Variants in FILIP1 observed in about 807,000 individuals in gnomAD.
FILIP1 encodes filamin A interacting protein 1.
A neutral mutation model predicts 102.1 loss-of-function variants in FILIP1; 61 were observed. The observed-to-expected ratio is 0.60, with a 90% CI of 0.49 to 0.74. The LOEUF (loss-of-function observed/expected upper bound fraction) is 0.74, where lower values mean the gene tolerates loss of function less well. Ranked by LOEUF, FILIP1 falls within the 30% of genes least tolerant of loss-of-function variation. FILIP1 has a pLI of 0.00. For synonymous variants in FILIP1, 491 were observed against 526.9 expected, an observed-to-expected ratio of 0.93 and a Z score of 0.93; for missense variants, 1,314 against 1,441.2, an observed-to-expected ratio of 0.91 and a Z score of 1.43.
At chr6:75,473,754 C>T (rs1474964034) in intron 1 of FILIP1, 1 of 152,150 alleles carries the variant, frequency 6.6e-6, no homozygotes, top group Non-Finnish European at 1.5e-5. Flanking sequence ...AAAGCACGAA[C>T]GCAGACCCCC....
In FILIP1 at chr6:75,391,558, T is replaced by C. The variant is rs116225582; in HGVS notation, c.276+23139A>G. 7.6e-3 allele frequency among the ~76,000 whole-genome samples: 1,158 copies of C among 152,266 alleles called. 9 individuals are homozygous for C. Among genetic ancestry groups the C allele is most frequent in the Middle Eastern group, 0.02 (6 of 294 alleles). On this transcript the variant is annotated intron_variant, in intron 2 of 5. Coordinates refer to ENST00000237172, the MANE Select transcript of FILIP1 (RefSeq NM_015687.5). ...CACCTACTGCATCTTTGCTGGTATA[T>C]ATGACCTTCTCCCCTATCACTAGAA...
At position 75,358,990 on chromosome 6, in the gene FILIP1, G is replaced by A. The variant is rs578044123; in HGVS notation, c.450+3754C>T. 2.0e-5 allele frequency among the ~76,000 whole-genome samples: 3 copies of A among 149,424 alleles called. No homozygotes were observed. The South Asian group carries it at 6.4e-4, about 32-fold the overall frequency. On this transcript the variant is annotated intron_variant, in intron 3 of 5. Transcript: ENST00000237172. The stretch of plus-strand genomic sequence containing the variant: ...GACAAAGTGCTGGGATTACAGGCGT[G>A]AGCCACTGCGCCCAGCCCTTATTTA...
intron 1 of FILIP1, among the ~76,000 whole-genome samples, chr6:75,479,407 C>T (rs1779585836): frequency 1.3e-5 from 2 of 152,252 alleles, no homozygotes; most frequent in East Asian, 3.9e-4. Flanking sequence ...CCTCACCATA[C>T]TGGGTATTGA....
intron 2 of FILIP1, among the ~76,000 whole-genome samples, chr6:75,388,686 T>C (rs1212246050): frequency 6.6e-6 from 1 of 152,130 alleles, no homozygotes; most frequent in Non-Finnish European, 1.5e-5. Flanking sequence ...CTGTCTATTG[T>C]TGGTGTATAG....
chr6:75,431,413 G>T (rs995520474), intron 1 of FILIP1, among the ~76,000 whole-genome samples: 1 of 152,094 alleles, frequency 6.6e-6, no homozygotes, highest in Non-Finnish European at 1.5e-5. Context: ...AAAATGCCCA[G>T]AGTTAGTATT....
Position 75,485,926 on chromosome 6 carries a change from G to A in FILIP1, c.-7+7488C>T, listed in dbSNP as rs1427788399. ...TTTGGAACCAATAACAAGCCTTTATGTGGAGCACCTTCTACCGCCTTCCTC... is the reference window on the plus strand; with the variant it reads ...TTTGGAACCAATAACAAGCCTTTATATGGAGCACCTTCTACCGCCTTCCTC... On this transcript the variant is annotated intron_variant, in intron 1 of 5. Transcript: ENST00000237172. Among the ~76,000 whole-genome samples the A allele has an allele frequency of 1.9e-4, 28 of 151,172 alleles. No individual in the cohort carries two copies. In the Admixed American group the frequency reaches 1.9e-3, roughly 10 times the overall value.
intron 2 of FILIP1, among the ~76,000 whole-genome samples, chr6:75,382,189 G>C (rs1417120572): frequency 1.3e-5 from 2 of 152,260 alleles, no homozygotes; most frequent in Admixed American, 1.3e-4. Context: ...CTTCCTTAAA[G>C]ATGCTGCACT....
At chr6:75,365,026 A>G (rs747487090) in intron 2 of FILIP1, among the ~76,000 whole-genome samples, 3 of 152,162 alleles carry the variant, frequency 2.0e-5, no homozygotes, top group Non-Finnish European at 2.9e-5. Flanking sequence ...TTAAAGTGAA[A>G]AAATGGCGAT....
At chr6:75,377,415 T>C (rs1393875750) in intron 2 of FILIP1, among the ~76,000 whole-genome samples, 1 of 152,202 alleles carries the variant, frequency 6.6e-6, no homozygotes, top group African/African-American at 2.4e-5. Context: ...CATTCAAAAA[T>C]TTTTTGAACA....
chr6:75,357,649 T>C (rs139172288), intron 3 of FILIP1, among the ~76,000 whole-genome samples: 4 of 152,384 alleles, frequency 2.6e-5, no homozygotes, highest in African/African-American at 9.6e-5. Context: ...ATGTAGAGGC[T>C]GTAAATTCTT....
chr6:75,422,119 CATA>C (rs1297739797), intron 1 of FILIP1, among the ~76,000 whole-genome samples: 2 of 152,042 alleles, frequency 1.3e-5, no homozygotes, highest in African/African-American at 2.4e-5. Context: ...GTGGTGATGA[CATA>C]ATGACATAAT....
At chr6:75,378,005 T>G (rs1775798225) in intron 2 of FILIP1, among the ~76,000 whole-genome samples, 1 of 152,246 alleles carries the variant, frequency 6.6e-6, no homozygotes, top group Admixed American at 6.5e-5. Flanking sequence ...TAGTGAATAC[T>G]GAATCATTGC....
intron 1 of FILIP1, among the ~76,000 whole-genome samples, chr6:75,452,636 T>C (rs1022036176): frequency 1.3e-5 from 2 of 152,172 alleles, no homozygotes; most frequent in African/African-American, 4.8e-5. Flanking sequence ...ATTCACGTTA[T>C]AGGAAATTAC....
chr6:75,339,583 A>G (rs916773139), intron 4 of FILIP1, among the ~76,000 whole-genome samples: 1 of 152,276 alleles, frequency 6.6e-6, no homozygotes, highest in Admixed American at 6.5e-5. Context: ...AGCTGTTGGG[A>G]AAAGAAAATT....
At chr6:75,332,208 T>C (rs1774107750) in intron 4 of FILIP1, among the ~76,000 whole-genome samples, 1 of 152,216 alleles carries the variant, frequency 6.6e-6, no homozygotes, top group Admixed American at 6.5e-5. Context: ...AAGGTTTCTG[T>C]TCTTATGTCC....
intron 2 of FILIP1, among the ~76,000 whole-genome samples, chr6:75,412,775 G>T (rs2149685485): frequency 6.6e-6 from 1 of 152,222 alleles, no homozygotes; most frequent in Middle Eastern, 3.4e-3. Flanking sequence ...TTGTATATGT[G>T]TGTGTGCATA....
chr6:75,370,152 A>T (rs1775466824), intron 2 of FILIP1, among the ~76,000 whole-genome samples: 1 of 152,256 alleles, frequency 6.6e-6, no homozygotes, highest in Admixed American at 6.5e-5. Context: ...CAGTGAGTCA[A>T]GGAGCCCTAG....
intron 4 of FILIP1, among the ~76,000 whole-genome samples, chr6:75,342,515 G>A (rs1202975233): frequency 1.3e-5 from 2 of 152,168 alleles, no homozygotes; most frequent in African/African-American, 4.8e-5. Context: ...TTAATTACGG[G>A]TATGCTCACC....
chr6:75,321,028 TTCC>T (rs950734881), intron 4 of FILIP1, among the ~76,000 whole-genome samples: 6 of 152,126 alleles, frequency 3.9e-5, no homozygotes, highest in South Asian at 2.1e-4. Context: ...TTAGTTCTTC[TTCC>T]TCCTCCTCCT....
Sources: gnomAD v4.1 joint callset for allele counts (sites outside exome capture counted in the v4.1 genomes callset) on GRCh38, gnomAD v4.1.1 for gene constraint, MANE v1.5 for transcripts, NCBI Gene and HGNC (gene_info 2026-07-23, HGNC 2026-07-21) for gene names.